The following AFP variants were observed in gnomAD, a reference collection of about 807,000 sequenced individuals.
The protein encoded by AFP is alpha fetoprotein, also known as alpha-fetoprotein.
In AFP, 64 loss-of-function variants were observed where a neutral mutation model predicts 78.9. That is an observed-to-expected ratio of 0.81 (90% CI 0.66 to 1.00). AFP has a LOEUF of 1.00. Among genes scored for constraint, AFP ranks in the 50% least tolerant of loss-of-function variants. The pLI is 0.00. For missense variants in AFP, 689 were observed against 703.8 expected, an observed-to-expected ratio of 0.98 and a Z score of 0.24; for synonymous variants, 254 against 243.8, an observed-to-expected ratio of 1.04 and a Z score of -0.39.
chr4:73,452,386 C>G lies in AFP; in HGVS notation c.1429-15C>G. On this transcript the variant is annotated splice_polypyrimidine_tract_variant and intron_variant, in intron 11 of 14. Coordinates refer to ENST00000395792, the MANE Select transcript of AFP (RefSeq NM_001134.3). ...GCCCAATCTCCTTACTTTTTTTTCT[C>G]ATTCTCCTAACCAGGCTGACATTAT... is the stretch of plus-strand genomic sequence containing the variant. 5 of 1,609,966 alleles carry G rather than the reference C, an allele frequency of 3.1e-6. No individual in the cohort carries two copies. The highest frequency in any genetic ancestry group is 4.2e-6 in the Non-Finnish European group (5 of 1,176,728).
At chr4:73,439,455 C>A (rs1322265700) in intron 3 of AFP, among the ~76,000 whole-genome samples, 1 of 152,116 alleles carries the variant, frequency 6.6e-6, no homozygotes, top group East Asian at 1.9e-4. Flanking sequence ...TATAAAAAAA[C>A]AAGAATACAT....
Position 73,438,304 on chromosome 4 carries a change from C to G in AFP, c.268C>G (p.Gln90Glu), listed in dbSNP as rs746690351. 5 of 1,611,486 alleles carry G rather than the reference C, an allele frequency of 3.1e-6. No homozygotes were observed. The Admixed American group carries it at 5.0e-5, about 16-fold the overall frequency. The change falls in exon 3 of 15, where the codon CAG becomes GAG. Residue 90 changes from glutamine (Q) to glutamate (E), a missense_variant and splice_region_variant. Physicochemically the swap from Gln to Glu is conservative, Grantham distance 29. Transcript: ENST00000395792. Reference protein sequence around the residue: ...DEQSSGCLENQLPAFLEELCH... With the variant: ...DEQSSGCLENELPAFLEELCH... ...ACAGTCTTCAGGGTGTTTAGAAAACCAGGTGAGTGAATAATTTTAAAAAAG... is the reference window on the plus strand; with the variant it reads ...ACAGTCTTCAGGGTGTTTAGAAAACGAGGTGAGTGAATAATTTTAAAAAAG...
chr4:73,440,765 T>G lies in AFP; in HGVS notation c.434T>G (p.Val145Gly), dbSNP rs556662592. The G allele has an allele frequency of 1.9e-6, 3 of 1,614,164 alleles. No homozygotes were observed. The Admixed American group carries it at 5.0e-5, about 27-fold the overall frequency. ...SIPLFQVPEP[V>G]TSCEAYEEDR... ...CCACTTTTCCAAGTTCCAGAACCTGTCACAAGCTGTGAAGCATATGAAGAA... is the reference window on the plus strand; with the variant it reads ...CCACTTTTCCAAGTTCCAGAACCTGGCACAAGCTGTGAAGCATATGAAGAA... The change falls in exon 4 of 15, where the codon GTC (valine) becomes GGC (glycine). Residue 145 changes from valine to glycine, a missense_variant. Physicochemically the swap from Val to Gly is moderately radical, Grantham distance 109. Transcript: ENST00000395792.
chr4:73,455,753 C>A lies in AFP; in HGVS notation c.*133C>A. On this transcript the variant is annotated 3_prime_UTR_variant, in exon 15 of 15. Transcript: ENST00000395792. ...ACTTTTATGTGAGATTTCCTTATCA[C>A]AGAAATAAAATATCTCCAAATGTTT... The A allele has an allele frequency of 3.1e-6, 2 of 646,608 alleles. No homozygotes were observed. The highest frequency in any genetic ancestry group is 5.5e-6 in the Non-Finnish European group (2 of 365,060). The allele number at this position is 646,608 out of a possible 1,614,324, so 40.1% of individuals were successfully genotyped here. A position where few individuals can be genotyped will look rare whatever the true frequency, so the allele number is the denominator to read the frequency against.
At chr4:73,440,560 A>C (rs1719628059) in intron 3 of AFP, 42 bp from the exon 4 acceptor site, 1 of 1,514,066 alleles carries the variant, frequency 6.6e-7, no homozygotes, top group Non-Finnish European at 9.2e-7. Context: ...TTTTTAAAGC[A>C]AAGTTAGTTG....
Position 73,436,348 on chromosome 4 carries a change from G to A in AFP, c.85+1G>A, listed in dbSNP as rs767603061. 7.7e-6 allele frequency: 12 copies of A among 1,549,054 alleles called. No individual in the cohort carries two copies. The highest frequency in any genetic ancestry group is 2.3e-5 in the East Asian group (1 of 43,620). On this transcript the variant is annotated splice_donor_variant, in intron 1 of 14. Transcript: ENST00000395792. LOFTEE classifies it high-confidence loss of function. ...CTGCATAGAAATGAATATGGAATAG[G>A]TGAGATATTTTGTGTTTTTCTTGTC...
chr4:73,450,200 C>T, intron 10 of AFP, 67 bp downstream of exon 10: 1 of 1,277,784 alleles, frequency 7.8e-7, no homozygotes. Flanking sequence ...CTTCCCCATT[C>T]TCCTCCTTTG....
intron 4 of AFP, 96 bp downstream of exon 4, chr4:73,440,909 A>C (rs1297957072): frequency 6.1e-6 from 7 of 1,141,460 alleles, no homozygotes; most frequent in Non-Finnish European, 8.7e-6. Context: ...TACTCCCAGT[A>C]AGAGGTATAA....
At chr4:73,450,553 G>A in intron 10 of AFP, 62 bp from the exon 11 acceptor site, 1 of 1,610,846 alleles carries the variant, frequency 6.2e-7, no homozygotes, top group African/African-American at 1.3e-5. Flanking sequence ...GTGAGAAGAA[G>A]CAAGGCGGCT....
At chr4:73,442,844 T>C (rs1719710307) in intron 5 of AFP, among the ~76,000 whole-genome samples, 1 of 152,192 alleles carries the variant, frequency 6.6e-6, no homozygotes, top group Non-Finnish European at 1.5e-5. Flanking sequence ...TAAGTATTTT[T>C]GTCCTTTAAC....
intron 10 of AFP, 189 bp from the exon 11 acceptor site, chr4:73,450,426 A>C: frequency 1.3e-6 from 1 of 746,782 alleles, no homozygotes. Context: ...ATGCTTCTAT[A>C]ATAGGAGTAC....
In AFP at chr4:73,447,591, G is replaced by C. The variant is rs369690102; in HGVS notation, c.973G>C (p.Gly325Arg). Residue 325 changes from glycine to arginine, a missense_variant, in exon 8 of 15, where the codon GGT (glycine) becomes CGT (arginine). By Grantham distance (125) the Gly-to-Arg change is moderately radical (BLOSUM62 -2). Transcript: ENST00000395792. ...IHAENDEKPE[G>R]LSPNLNRFLG... is the part of the protein sequence containing the mutation. Reference sequence around the variant, plus strand: ...TGCAGAAAATGATGAAAAACCTGAAGGTCTATCTCCAAATCTAAACAGGTT... The same window carrying C: ...TGCAGAAAATGATGAAAAACCTGAACGTCTATCTCCAAATCTAAACAGGTT... The C allele has an allele frequency of 1.2e-6, 2 of 1,612,286 alleles. No individual in the cohort carries two copies.
rs745419259 is a variant in AFP at position 73,440,648 on chromosome 4, A to G, written c.317A>G (p.Glu106Gly). The part of the protein sequence containing the change: ...EELCHEKEIL[E>G]KYGHSDCCSQ... ...CTTTGCCATGAGAAAGAAATTTTGGAGAAGTACGGACATTCAGACTGCTGC... is the reference window on the plus strand; with the variant it reads ...CTTTGCCATGAGAAAGAAATTTTGGGGAAGTACGGACATTCAGACTGCTGC... Residue 106 changes from glutamate to glycine, a missense_variant, in exon 4 of 15, where the codon GAG becomes GGG. Glu to Gly is a moderately conservative substitution (Grantham distance 98). Coordinates refer to ENST00000395792, the MANE Select transcript of AFP (RefSeq NM_001134.3). The G allele has an allele frequency of 6.2e-7, 1 of 1,614,194 alleles. No individual in the cohort carries two copies. Among genetic ancestry groups the G allele is most frequent in the Middle Eastern group, 1.6e-4 (1 of 6,062 alleles).
chr4:73,442,197 G>A, intron 4 of AFP, 99 bp from the exon 5 acceptor site: 1 of 1,198,808 alleles, frequency 8.3e-7, no homozygotes, highest in Non-Finnish European at 1.2e-6. Flanking sequence ...TGTTGTTGTT[G>A]TTTTTGAATC....
intron 11 of AFP, 70 bp from the exon 12 acceptor site, chr4:73,452,331 C>T: frequency 1.6e-6 from 2 of 1,272,420 alleles, no homozygotes; most frequent in African/African-American, 1.5e-5. Context: ...CAGCAGTTTT[C>T]TGAAAAACTG....
intron 7 of AFP, among the ~76,000 whole-genome samples, 171 bp downstream of exon 7, chr4:73,445,293 T>C (rs959250772): frequency 4.6e-5 from 7 of 152,226 alleles, no homozygotes; most frequent in African/African-American, 1.7e-4. Context: ...CATCTTTTGT[T>C]GATCCTGGCT....
intron 5 of AFP, 83 bp from the exon 6 acceptor site, chr4:73,443,264 A>G: frequency 9.7e-7 from 1 of 1,032,566 alleles, no homozygotes; most frequent in Non-Finnish European, 1.5e-6. Flanking sequence ...TTTTACCTAT[A>G]CTTGTTGTTT....
At chr4:73,450,433 G>A (rs1719959687) in intron 10 of AFP, 182 bp from the exon 11 acceptor site, 1 of 788,910 alleles carries the variant, frequency 1.3e-6, no homozygotes, top group Non-Finnish European at 2.0e-6. Context: ...TATAATAGGA[G>A]TACAGGGAGT....
chr4:73,452,257 T>A (rs1012869549), intron 11 of AFP, 144 bp from the exon 12 acceptor site: 6 of 723,006 alleles, frequency 8.3e-6, no homozygotes, highest in Non-Finnish European at 1.5e-5. Context: ...TAATGTCACA[T>A]GATCCTACAT....
Sources: gnomAD v4.1 joint callset for allele counts (sites outside exome capture counted in the v4.1 genomes callset) on GRCh38, gnomAD v4.1.1 for gene constraint, MANE v1.5 for transcripts, NCBI Gene and HGNC (gene_info 2026-07-23, HGNC 2026-07-21) for gene names.